Variants in ROBO2 observed in about 807,000 individuals in gnomAD.
ROBO2 encodes roundabout homolog 2.
A neutral mutation model predicts 160.8 loss-of-function variants in ROBO2; 53 were observed. The observed-to-expected ratio is 0.33, with a 90% CI of 0.26 to 0.41. The LOEUF is 0.41. Among genes scored for constraint, ROBO2 ranks in the 10% least tolerant of loss-of-function variants. The probability of loss-of-function intolerance (pLI) is 1.00; values close to 1 mark genes in which losing one functional copy is unlikely to be tolerated. For missense variants in ROBO2, 1,577 were observed against 1,722.4 expected (o/e 0.92, Z 1.49); for synonymous variants, 664 against 611.7 (o/e 1.09, Z -1.26).
intron 2 of ROBO2, among the ~76,000 whole-genome samples, chr3:76,668,753 A>C (rs994836780): frequency 6.6e-6 from 1 of 151,980 alleles, no homozygotes; most frequent in Non-Finnish European, 1.5e-5. Flanking sequence ...AGAGAAAAAA[A>C]AAAAATTCAG....
chr3:76,875,676 A>G (rs868015587), intron 2 of ROBO2, among the ~76,000 whole-genome samples: 1 of 151,992 alleles, frequency 6.6e-6, no homozygotes, highest in South Asian at 2.1e-4. Context: ...ATTTTTTGAT[A>G]CAGAGTCTCA....
intron 2 of ROBO2, among the ~76,000 whole-genome samples, chr3:76,795,606 T>C (rs2063637663): frequency 6.6e-6 from 1 of 152,096 alleles, no homozygotes; most frequent in African/African-American, 2.4e-5. Flanking sequence ...TACTTCCAAC[T>C]GTAGTTCTCT....
intron 2 of ROBO2, among the ~76,000 whole-genome samples, chr3:76,221,499 ACT>A (rs1318084595): frequency 5.3e-5 from 8 of 151,984 alleles, no homozygotes; most frequent in African/African-American, 1.9e-4. Flanking sequence ...GAGCAGTGCC[ACT>A]CTCATTTTCC....
intron 2 of ROBO2, among the ~76,000 whole-genome samples, chr3:77,256,367 C>G (rs538214919): frequency 6.6e-6 from 1 of 152,162 alleles, no homozygotes; most frequent in Non-Finnish European, 1.5e-5. Flanking sequence ...AAACAAGTCT[C>G]TACCAACTGC....
intron 2 of ROBO2, among the ~76,000 whole-genome samples, chr3:77,326,325 T>G (rs943663523): frequency 6.6e-6 from 1 of 152,206 alleles, no homozygotes; most frequent in Non-Finnish European, 1.5e-5. Context: ...GCTCAGAAGC[T>G]CTCACAAAAT....
At chr3:77,317,045 C>A in intron 2 of ROBO2, 2 of 1,515,756 alleles carry the variant, frequency 1.3e-6, no homozygotes, top group Non-Finnish European at 1.8e-6. Context: ...AACTCTGTCC[C>A]GTCATTCACA....
At chr3:76,624,757 T>C (rs6548439) in intron 2 of ROBO2, among the ~76,000 whole-genome samples, 107,094 of 140,328 alleles carry the variant, frequency 0.76, 40,965 homozygotes, top group South Asian at 0.91. Flanking sequence ...GAGATCGCGC[T>C]ATTCTTTCCA....
At chr3:77,010,439 C>A (rs977282634) in intron 2 of ROBO2, among the ~76,000 whole-genome samples, 1 of 152,154 alleles carries the variant, frequency 6.6e-6, no homozygotes, top group Non-Finnish European at 1.5e-5. Context: ...AAAGACATCT[C>A]CGCGTTTATA....
chr3:76,289,848 A>G (rs898229381), intron 2 of ROBO2, among the ~76,000 whole-genome samples: 7 of 152,202 alleles, frequency 4.6e-5, no homozygotes, highest in Middle Eastern at 3.4e-3. Context: ...CCATTAGTCA[A>G]TGTGTCTATT....
intron 2 of ROBO2, among the ~76,000 whole-genome samples, chr3:76,619,113 G>C (rs1411971559): frequency 6.6e-6 from 1 of 151,750 alleles, no homozygotes; most frequent in Non-Finnish European, 1.5e-5. Flanking sequence ...GGCCGAGGCG[G>C]GCGGATCACG....
intron 2 of ROBO2, among the ~76,000 whole-genome samples, chr3:76,175,107 T>C (rs1346244011): frequency 1.3e-5 from 2 of 152,064 alleles, no homozygotes; most frequent in African/African-American, 4.8e-5. Flanking sequence ...TCCTAGGTAT[T>C]TTATTCTTTG....
At chr3:76,666,366 T>G (rs1216655623) in intron 2 of ROBO2, among the ~76,000 whole-genome samples, 1 of 152,088 alleles carries the variant, frequency 6.6e-6, no homozygotes, top group Non-Finnish European at 1.5e-5. Context: ...GAGACATCAG[T>G]TCACCGTGAC....
chr3:76,186,770 A>G (rs948718946), intron 2 of ROBO2, among the ~76,000 whole-genome samples: 3 of 152,028 alleles, frequency 2.0e-5, no homozygotes, highest in Non-Finnish European at 2.9e-5. Flanking sequence ...TGTTCTCTCT[A>G]ATTCATCTCC....
intron 2 of ROBO2, among the ~76,000 whole-genome samples, chr3:76,147,221 T>C (rs1166922872): frequency 6.6e-6 from 1 of 151,890 alleles, no homozygotes; most frequent in Non-Finnish European, 1.5e-5. Context: ...ATGTTGAGTT[T>C]GTAATAAACC....
chr3:77,316,295 C>T (rs58600040), intron 2 of ROBO2, among the ~76,000 whole-genome samples: 1 of 152,010 alleles, frequency 6.6e-6, no homozygotes, highest in Non-Finnish European at 1.5e-5. Context: ...CGATGAACTG[C>T]GGTGGGAACA....
chr3:77,417,043 A>G (rs984391352), intron 2 of ROBO2, among the ~76,000 whole-genome samples: 3 of 152,146 alleles, frequency 2.0e-5, no homozygotes, highest in Non-Finnish European at 4.4e-5. Context: ...TGTTTCTTTG[A>G]CATGTTTCCT....
At chr3:76,531,616 G>C (rs1424421116) in intron 2 of ROBO2, among the ~76,000 whole-genome samples, 1 of 119,890 alleles carries the variant, frequency 8.3e-6, no homozygotes, top group Non-Finnish European at 1.7e-5. Context: ...TGTTTGTACA[G>C]TTTCTTTTTT....
chr3:76,346,044 A>G (rs1189410624), intron 2 of ROBO2, among the ~76,000 whole-genome samples: 1 of 152,074 alleles, frequency 6.6e-6, no homozygotes, highest in Non-Finnish European at 1.5e-5. Context: ...TTGTCCTTAC[A>G]GGCCAGTTAG....
chr3:76,721,952 T>A (rs1045605744), intron 2 of ROBO2, among the ~76,000 whole-genome samples: 4 of 152,296 alleles, frequency 2.6e-5, no homozygotes, highest in Middle Eastern at 3.4e-3. Context: ...AGGTAGGAAG[T>A]CATTCTGCTG....
Sources: gnomAD v4.1 joint callset for allele counts (sites outside exome capture counted in the v4.1 genomes callset) on GRCh38, gnomAD v4.1.1 for gene constraint, MANE v1.5 for transcripts, NCBI Gene and HGNC (gene_info 2026-07-23, HGNC 2026-07-21) for gene names.